Variants in WNK1 observed in about 807,000 individuals in gnomAD.
WNK1 encodes WNK lysine deficient protein kinase 1.
In WNK1, 38 loss-of-function variants were observed where a neutral mutation model predicts 222.8. The ratio of observed to expected loss-of-function variants is 0.17; its 90% CI spans 0.13 to 0.22. The LOEUF (loss-of-function observed/expected upper bound fraction) is 0.22. Among genes scored for constraint, WNK1 ranks in the 10% least tolerant of loss-of-function variants. The probability of loss-of-function intolerance (pLI) is 1.00; values close to 1 mark genes in which losing one functional copy is unlikely to be tolerated. For synonymous variants in WNK1, 1,090 were observed against 1,092.9 expected (o/e 1.00, Z 0.05); for missense variants, 2,348 against 2,918.4 (o/e 0.80, Z 4.50).
intron 4 of WNK1, among the ~76,000 whole-genome samples, chr12:841,605 GT>G (rs1949630875): frequency 6.6e-6 from 1 of 152,110 alleles, no homozygotes; most frequent in African/African-American, 2.4e-5. Flanking sequence ...TGAGAACAAT[GT>G]TTTAGTCCAT....
At chr12:801,514 T>A (rs1234954410) in intron 1 of WNK1, among the ~76,000 whole-genome samples, 2 of 149,846 alleles carry the variant, frequency 1.3e-5, no homozygotes, top group Admixed American at 1.3e-4. Context: ...GCTTAAGGGA[T>A]CCTCCCACCT....
intron 1 of WNK1, among the ~76,000 whole-genome samples, chr12:777,402 C>A (rs1394181084): frequency 6.6e-6 from 1 of 151,948 alleles, no homozygotes; most frequent in Non-Finnish European, 1.5e-5. Context: ...TAGTGATGTG[C>A]CTGCCTCGGC....
chr12:901,916 T>C (rs892155163), intron 26 of WNK1, among the ~76,000 whole-genome samples: 3 of 152,158 alleles, frequency 2.0e-5, no homozygotes, highest in Non-Finnish European at 4.4e-5. Context: ...ATATGGTATC[T>C]AGGCAATAGA....
chr12:840,266 T>C (rs1949522298), intron 4 of WNK1, among the ~76,000 whole-genome samples: 1 of 149,592 alleles, frequency 6.7e-6, no homozygotes, highest in South Asian at 2.1e-4. Context: ...TCGCTAGGAC[T>C]ACAGACATGT....
chr12:850,420 A>T (rs1950334471), intron 4 of WNK1, among the ~76,000 whole-genome samples: 1 of 150,034 alleles, frequency 6.7e-6, no homozygotes. Context: ...GGGTTGTTTG[A>T]TTTTTTTCTT....
rs561191203 is a variant in WNK1, at chr12:881,992, T to C, written c.3291T>C (p.Thr1097=). ...CCAGTGGAAGGCATGAAGGAAGAACTACAAAACGGCATTACCGAAAATCTG... is the reference window on the plus strand; with the variant it reads ...CCAGTGGAAGGCATGAAGGAAGAACCACAAAACGGCATTACCGAAAATCTG... The part of the protein sequence containing the change: ...PSSSGRHEGR[T]TKRHYRKSVR... The change falls in exon 14 of 28, where the codon ACT becomes ACC. Residue 1097 remains threonine (T), a synonymous_variant. Transcript: ENST00000315939. 2.5e-6 allele frequency: 4 copies of C among 1,614,184 alleles called. No homozygotes were observed. Among genetic ancestry groups the C allele is most frequent in the East Asian group, 2.2e-5 (1 of 44,886 alleles).
intron 1 of WNK1, among the ~76,000 whole-genome samples, chr12:781,496 G>A (rs1943703912): frequency 6.6e-6 from 1 of 152,136 alleles, no homozygotes; most frequent in Non-Finnish European, 1.5e-5. Flanking sequence ...TTCTTAGAAA[G>A]GTACAAATGA....
At chr12:900,737 C>G in intron 26 of WNK1, 67 bp downstream of exon 26, 2 of 1,594,476 alleles carry the variant, frequency 1.3e-6, no homozygotes, top group Non-Finnish European at 1.7e-6. Context: ...GGGACAAAAG[C>G]CTGTTAAGGC....
intron 1 of WNK1, among the ~76,000 whole-genome samples, chr12:798,302 C>T (rs1194810032): frequency 6.6e-6 from 1 of 152,084 alleles, no homozygotes; most frequent in African/African-American, 2.4e-5. Flanking sequence ...CGCCATTCTC[C>T]CACCTCAGCC....
rs1953002585 is a variant in WNK1, at chr12:879,972, C to CTTGCATGGAACCTCAG, written c.2773_2774insTTGCATGGAACCTCAG (p.Pro925LeufsTer8). ...ACCAGCAGTTCAGTCCATGGGAATA[C>CTTGCATGGAACCTCAG]CAGCTAACCTTGGACAAGCTGCTGA... On this transcript the variant is annotated frameshift_variant, in exon 11 of 28. Coordinates refer to ENST00000315939, the MANE Select transcript of WNK1 (RefSeq NM_018979.4). LOFTEE classifies it high-confidence loss of function. 1 of 1,614,062 alleles carries CTTGCATGGAACCTCAG rather than the reference C, an allele frequency of 6.2e-7. No homozygotes were observed. The highest frequency in any genetic ancestry group is 1.1e-5 in the South Asian group (1 of 91,076).
intron 4 of WNK1, among the ~76,000 whole-genome samples, chr12:837,082 A>G (rs1949243115): frequency 6.6e-6 from 1 of 152,208 alleles, no homozygotes. Flanking sequence ...GCAATGAACG[A>G]TTCGTGAATT....
intron 1 of WNK1, among the ~76,000 whole-genome samples, chr12:787,881 G>T (rs1436124508): frequency 2.0e-5 from 3 of 152,100 alleles, no homozygotes; most frequent in African/African-American, 7.2e-5. Context: ...ATGGTATCAG[G>T]TTTCTCCAAG....
At chr12:759,886 A>G (rs1193733555) in intron 1 of WNK1, among the ~76,000 whole-genome samples, 2 of 148,228 alleles carry the variant, frequency 1.3e-5, no homozygotes, top group African/African-American at 4.9e-5. Flanking sequence ...GAACATATAT[A>G]AAACATGTAG....
At chr12:777,149 A>AT (rs1354389399) in intron 1 of WNK1, among the ~76,000 whole-genome samples, 15 of 131,844 alleles carry the variant, frequency 1.1e-4, no homozygotes, top group Non-Finnish European at 1.5e-4. Context: ...ATTTGGAGGG[A>AT]TTTTTTTTGT....
chr12:849,828 T>C (rs2154054051), intron 4 of WNK1, among the ~76,000 whole-genome samples: 1 of 152,254 alleles, frequency 6.6e-6, no homozygotes, highest in East Asian at 1.9e-4. Flanking sequence ...TTTGGTTTTT[T>C]GTCCTTGCGA....
intron 5 of WNK1, among the ~76,000 whole-genome samples, chr12:857,768 TA>T (rs572839605): frequency 9.6e-4 from 146 of 152,316 alleles, no homozygotes; most frequent in Admixed American, 1.8e-3. Context: ...TCATTTGTAC[TA>T]ACAGAGGGCT....
intron 10 of WNK1, 111 bp from the exon 11 acceptor site, chr12:879,462 G>GTTTTTTCTTT: frequency 2.1e-6 from 1 of 475,362 alleles, no homozygotes; most frequent in Non-Finnish European, 3.2e-6. Flanking sequence ...TTTTTTGTTT[G>GTTTTTTCTTT]TTTTTTCCTT....
chr12:904,635 CTTAA>C (rs1955548254), intron 26 of WNK1: 4 of 545,452 alleles, frequency 7.3e-6, no homozygotes, highest in South Asian at 3.4e-5. Context: ...ATTTAACATG[CTTAA>C]TTGAGAAATC....
At chr12:886,630 T>G (rs1953686501) in intron 19 of WNK1, among the ~76,000 whole-genome samples, 1 of 152,240 alleles carries the variant, frequency 6.6e-6, no homozygotes, top group African/African-American at 2.4e-5. Flanking sequence ...TTTCCTCTTG[T>G]TCTGCCACCT....
Sources: gnomAD v4.1 joint callset for allele counts (sites outside exome capture counted in the v4.1 genomes callset) on GRCh38, gnomAD v4.1.1 for gene constraint, MANE v1.5 for transcripts, NCBI Gene and HGNC (gene_info 2026-07-23, HGNC 2026-07-21) for gene names.